Variants in FRMD4B observed in about 807,000 individuals in gnomAD.
FRMD4B encodes the protein FERM domain containing 4B.
In FRMD4B, 74 loss-of-function variants were observed where a neutral mutation model predicts 141.5. The ratio of observed to expected loss-of-function variants is 0.52; its 90% confidence interval spans 0.43 to 0.63. The LOEUF (loss-of-function observed/expected upper bound fraction) is 0.63. Among genes scored for constraint, FRMD4B ranks in the 30% least tolerant of loss-of-function variants. The pLI, the probability that FRMD4B is intolerant of heterozygous loss-of-function variation, is 0.00. For missense variants in FRMD4B, 1,366 were observed against 1,253.4 expected (o/e 1.09, Z -1.36); for synonymous variants, 506 against 467.9 (o/e 1.08, Z -1.05).
chr3:69,424,678 A>C (rs935607706), intron 2 of FRMD4B, among the ~76,000 whole-genome samples: 1 of 152,240 alleles, frequency 6.6e-6, no homozygotes, highest in Non-Finnish European at 1.5e-5. Flanking sequence ...AGATTGGCAG[A>C]AACAGAATTA....
chr3:69,331,197 G>A (rs1266219674), intron 1 of FRMD4B, among the ~76,000 whole-genome samples: 4 of 152,154 alleles, frequency 2.6e-5, no homozygotes, highest in Admixed American at 1.3e-4. Context: ...AAAAAGCGTT[G>A]GTGCTTCTGG....
In FRMD4B at chr3:69,450,310, C is replaced by T. The variant is rs774446391; in HGVS notation, c.-128-17549G>A. On this transcript the variant is annotated intron_variant, in intron 1 of 5. Transcript: ENST00000459638. ...GGCCCAGGCAGGAGGATCACTTGAACCCAGGAATTATAGATCAGCCTGAAA... is the reference window on the plus strand; with the variant it reads ...GGCCCAGGCAGGAGGATCACTTGAATCCAGGAATTATAGATCAGCCTGAAA... Among the ~76,000 whole-genome samples the T allele has an allele frequency of 4.6e-5, 7 of 152,174 alleles. 1 individual carries two copies. Among genetic ancestry groups the T allele is most frequent in the Middle Eastern group, 3.4e-3 (1 of 294 alleles).
intron 1 of FRMD4B, among the ~76,000 whole-genome samples, chr3:69,327,844 G>A (rs568193060): frequency 2.7e-4 from 41 of 152,318 alleles, no homozygotes; most frequent in Non-Finnish European, 5.7e-4. Flanking sequence ...CACTGTCACA[G>A]AAGAAATATT....
At chr3:69,366,498 A>T (rs201522348) in intron 1 of FRMD4B, among the ~76,000 whole-genome samples, 1 of 104,116 alleles carries the variant, frequency 9.6e-6, no homozygotes, top group African/African-American at 4.3e-5. Context: ...CCAGGTAAGT[A>T]TAGGGTGATC....
intron 22 of FRMD4B, among the ~76,000 whole-genome samples, chr3:69,175,530 G>A (rs1300864703): frequency 2.6e-5 from 4 of 152,100 alleles, no homozygotes; most frequent in Non-Finnish European, 4.4e-5. Context: ...GATAAAAAAC[G>A]CAGCAAATGT....
At chr3:69,336,481 T>C (rs942378497) in intron 1 of FRMD4B, 5 of 152,232 alleles carry the variant, frequency 3.3e-5, no homozygotes, top group Non-Finnish European at 5.9e-5. Context: ...TCTGGGGCTA[T>C]ATATAAAGGA....
intron 3 of FRMD4B, chr3:69,306,629 C>T (rs943063355): frequency 2.0e-5 from 3 of 152,360 alleles, no homozygotes; most frequent in South Asian, 4.1e-4. Context: ...TGCTATCCCT[C>T]TCCCAGTAAC....
chr3:69,348,359 A>C (rs1703019390), intron 1 of FRMD4B, among the ~76,000 whole-genome samples: 1 of 152,212 alleles, frequency 6.6e-6, no homozygotes, highest in Non-Finnish European at 1.5e-5. Flanking sequence ...ACCAACCAAA[A>C]AAAGTCCAGG....
At chr3:69,336,780 T>C (rs1188706955) in intron 1 of FRMD4B, among the ~76,000 whole-genome samples, 1 of 152,048 alleles carries the variant, frequency 6.6e-6, no homozygotes, top group African/African-American at 2.4e-5. Flanking sequence ...CTATCTCTAC[T>C]AAAAATATAA....
At chr3:69,373,785 A>T (rs889352767) in intron 1 of FRMD4B, among the ~76,000 whole-genome samples, 1 of 152,156 alleles carries the variant, frequency 6.6e-6, no homozygotes, top group African/African-American at 2.4e-5. Flanking sequence ...AGGCGAGAGG[A>T]TCACTTGAAC....
At chr3:69,281,514 T>C (rs1012647761) in intron 5 of FRMD4B, among the ~76,000 whole-genome samples, 2 of 152,120 alleles carry the variant, frequency 1.3e-5, no homozygotes, top group African/African-American at 4.8e-5. Flanking sequence ...ATGCCCAATG[T>C]GTGCCACATT....
intron 1 of FRMD4B, among the ~76,000 whole-genome samples, chr3:69,482,741 A>T (rs1333176083): frequency 6.6e-6 from 1 of 152,222 alleles, no homozygotes; most frequent in Non-Finnish European, 1.5e-5. Context: ...TGTCAAAAGT[A>T]TGGGGCTTGT....
At chr3:69,475,785 A>T (rs1705985645) in intron 1 of FRMD4B, among the ~76,000 whole-genome samples, 1 of 151,230 alleles carries the variant, frequency 6.6e-6, no homozygotes, top group Non-Finnish European at 1.5e-5. Context: ...CGCCACACCG[A>T]CTTCCACAAT....
At chr3:69,351,904 C>A (rs1278132517) in intron 1 of FRMD4B, among the ~76,000 whole-genome samples, 1 of 152,174 alleles carries the variant, frequency 6.6e-6, no homozygotes, top group Non-Finnish European at 1.5e-5. Flanking sequence ...AACAATTCTG[C>A]TCAGCCAATA....
intron 1 of FRMD4B, among the ~76,000 whole-genome samples, chr3:69,323,608 GTATATATATA>G (rs55847019): frequency 0.032 from 3,287 of 101,472 alleles, 151 homozygotes; most frequent in African/African-American, 0.092. Context: ...CTCTCTCTGT[GTATATATATA>G]TATATATATA....
At chr3:69,476,968 T>G (rs1396503037) in intron 1 of FRMD4B, among the ~76,000 whole-genome samples, 1 of 152,198 alleles carries the variant, frequency 6.6e-6, no homozygotes, top group African/African-American at 2.4e-5. Flanking sequence ...TTGAAGCAAT[T>G]GTGAATGGGA....
At chr3:69,538,772 G>A (rs914408739) in intron 1 of FRMD4B, among the ~76,000 whole-genome samples, 3 of 152,060 alleles carry the variant, frequency 2.0e-5, no homozygotes, top group African/African-American at 7.2e-5. Context: ...ACAGAAAATT[G>A]TTATCTTACC....
intron 1 of FRMD4B, among the ~76,000 whole-genome samples, chr3:69,434,351 C>T (rs1428511425): frequency 6.6e-6 from 1 of 152,172 alleles, no homozygotes; most frequent in Non-Finnish European, 1.5e-5. Flanking sequence ...TCTAGAAACT[C>T]CAAAGATAAT....
At chr3:69,508,806 G>T (rs191117656) in intron 1 of FRMD4B, among the ~76,000 whole-genome samples, 1 of 152,166 alleles carries the variant, frequency 6.6e-6, no homozygotes, top group East Asian at 1.9e-4. Context: ...CATCACTCTG[G>T]GTCAGGCACA....
Sources: gnomAD v4.1 joint callset for allele counts (sites outside exome capture counted in the v4.1 genomes callset) on GRCh38, gnomAD v4.1.1 for gene constraint, MANE v1.5 for transcripts, NCBI Gene and HGNC (gene_info 2026-07-23, HGNC 2026-07-21) for gene names.